The following RGPD2 variants were observed in gnomAD, a reference collection of about 807,000 sequenced individuals.
RGPD2 encodes the protein RANBP2 like and GRIP domain containing 2.
A neutral mutation model predicts 36.0 loss-of-function variants in RGPD2; 2 were observed. That is an observed-to-expected ratio of 0.06 (90% confidence interval 0.02 to 0.17). The LOEUF (loss-of-function observed/expected upper bound fraction) is 0.17. Among genes scored for constraint, RGPD2 ranks in the 10% least tolerant of loss-of-function variants. The probability of loss-of-function intolerance (pLI) is 1.00; values close to 1 mark genes in which losing one functional copy is unlikely to be tolerated. For missense variants in RGPD2, 40 were observed against 464.3 expected, an observed-to-expected ratio of 0.09 and a Z score of 8.40; for synonymous variants, 19 against 163.8, an observed-to-expected ratio of 0.12 and a Z score of 6.75.
At chr2:87,839,474 T>G in the RGPD2 span, among the ~76,000 whole-genome samples, 2 of 152,066 alleles carry the variant, frequency 1.3e-5, no homozygotes, top group East Asian at 3.9e-4. Flanking sequence ...TAAAGACACA[T>G]GCACTCATAT....
chr2:87,882,337 A>G, the RGPD2 span, among the ~76,000 whole-genome samples: 1 of 152,234 alleles, frequency 6.6e-6, no homozygotes, highest in Non-Finnish European at 1.5e-5. Flanking sequence ...TTTTCCCAAC[A>G]GCATTTATTG....
rs535632033 is a variant in RGPD2 at position 87,763,347 on chromosome 2, C to T, written c.5237-5921G>A. Among the ~76,000 whole-genome samples, 68 of 150,006 alleles carry T rather than the reference C, an allele frequency of 4.5e-4. 1 individual carries two copies. The highest frequency in any genetic ancestry group is 3.4e-3 in the Middle Eastern group (1 of 292). ...TAATTTTTTGTATTTTTAGTAGAGA[C>T]GGGGTTTCACCGTGTTAGCCAGGAT... On this transcript the variant is annotated intron_variant, in intron 22 of 22. Transcript: ENST00000398146.
chr2:87,875,574 G>A, the RGPD2 span, among the ~76,000 whole-genome samples: 1 of 152,112 alleles, frequency 6.6e-6, no homozygotes, highest in African/African-American at 2.4e-5. Context: ...GGATCACGAT[G>A]GATAAGCTTT....
intron 22 of RGPD2, among the ~76,000 whole-genome samples, chr2:87,769,320 C>T (rs1320925567): frequency 1.3e-5 from 2 of 152,050 alleles, no homozygotes; most frequent in Admixed American, 1.3e-4. Context: ...TGCTGCTAAA[C>T]CATCATTGTT....
At chr2:87,848,766 A>C in the RGPD2 span, among the ~76,000 whole-genome samples, 1 of 146,974 alleles carries the variant, frequency 6.8e-6, no homozygotes, top group Non-Finnish European at 1.5e-5. Context: ...TCTGGATACC[A>C]CATCAAAGGG....
chr2:87,971,938 C>A, the RGPD2 span, among the ~76,000 whole-genome samples: 6 of 151,478 alleles, frequency 4.0e-5, no homozygotes, highest in South Asian at 2.1e-4. Context: ...CAGTCAAATA[C>A]CACCTCCCAG....
At chr2:87,860,549 GGATGTA>G in the RGPD2 span, among the ~76,000 whole-genome samples, 1 of 149,930 alleles carries the variant, frequency 6.7e-6, no homozygotes, top group Non-Finnish European at 1.5e-5. Context: ...TCCATCTAAT[GGATGTA>G]GATGTTATGA....
At chr2:87,864,576 T>TGATA in the RGPD2 span, among the ~76,000 whole-genome samples, 12,269 of 149,460 alleles carry the variant, frequency 0.082, 64 homozygotes, top group Middle Eastern at 0.11. Flanking sequence ...CATAGATAGA[T>TGATA]GATAGATAGA....
chr2:87,936,968 A>G, the RGPD2 span, among the ~76,000 whole-genome samples: 1 of 147,218 alleles, frequency 6.8e-6, no homozygotes, highest in African/African-American at 2.6e-5. Flanking sequence ...GCATTAAATG[A>G]GCACTTACTA....
At chr2:87,964,994 C>G in the RGPD2 span, among the ~76,000 whole-genome samples, 2 of 152,100 alleles carry the variant, frequency 1.3e-5, no homozygotes, top group African/African-American at 2.4e-5. Context: ...CCCCACCAAA[C>G]TAGTATTTCT....
the RGPD2 span, among the ~76,000 whole-genome samples, chr2:87,852,716 T>C: frequency 5.9e-5 from 9 of 152,410 alleles, no homozygotes; most frequent in South Asian, 1.0e-3. Flanking sequence ...AATGTTCTTC[T>C]AGATATATTT....
chr2:87,965,790 GGACACT>G, the RGPD2 span, among the ~76,000 whole-genome samples: 1 of 127,308 alleles, frequency 7.9e-6, no homozygotes, highest in Non-Finnish European at 1.7e-5. Flanking sequence ...GTGTCTGAGA[GGACACT>G]GATCTCCCTG....
At chr2:87,915,338 A>T in the RGPD2 span, among the ~76,000 whole-genome samples, 1 of 109,476 alleles carries the variant, frequency 9.1e-6, no homozygotes, top group Non-Finnish European at 1.8e-5. Context: ...TATTGTATAT[A>T]TAATGTATAT....
At chr2:87,859,679 G>A in the RGPD2 span, among the ~76,000 whole-genome samples, 7 of 152,116 alleles carry the variant, frequency 4.6e-5, no homozygotes, top group East Asian at 7.7e-4. Context: ...AAGTTATTTC[G>A]CTGAGATCAC....
chr2:87,880,071 G>A, the RGPD2 span, among the ~76,000 whole-genome samples: 1 of 94,168 alleles, frequency 1.1e-5, no homozygotes, highest in African/African-American at 5.1e-5. Context: ...TAAAGACATT[G>A]AACTTTTTTT....
chr2:87,910,792 A>G, the RGPD2 span, among the ~76,000 whole-genome samples: 1 of 150,622 alleles, frequency 6.6e-6, no homozygotes, highest in East Asian at 2.0e-4. Context: ...TATACAGGAG[A>G]ATGTGTGCAG....
Position 87,756,818 on chromosome 2 carries a change from A to T in RGPD2, c.*574T>A. The T allele has an allele frequency of 1.3e-6, 1 of 763,318 alleles. No individual in the cohort carries two copies. The highest frequency in any genetic ancestry group is 1.4e-5 in the South Asian group (1 of 72,556). 47.3% of individuals were successfully genotyped at this position (763,318 alleles called of 1,614,324 possible). A position where few individuals can be genotyped will look rare whatever the true frequency, so the allele number is the denominator to read the frequency against. On this transcript the variant is annotated 3_prime_UTR_variant, in exon 23 of 23. Coordinates refer to ENST00000398146, the MANE Select transcript of RGPD2 (RefSeq NM_001078170.3). ...TTGACCACTGTGTGGACTTTCCTTCAGTGTATCTTTCAGAGTGCAAGACTG... is the reference window on the plus strand; with the variant it reads ...TTGACCACTGTGTGGACTTTCCTTCTGTGTATCTTTCAGAGTGCAAGACTG...
the RGPD2 span, among the ~76,000 whole-genome samples, chr2:87,848,874 G>C: frequency 1.8e-3 from 269 of 150,054 alleles, no homozygotes; most frequent in African/African-American, 5.9e-3. Flanking sequence ...GTGTGTGTGT[G>C]TGTGTGTGTG....
chr2:87,870,053 C>T, the RGPD2 span, among the ~76,000 whole-genome samples: 1 of 152,226 alleles, frequency 6.6e-6, no homozygotes, highest in Non-Finnish European at 1.5e-5. Context: ...CACTTCCTGG[C>T]TCCAATTGTG....
Sources: gnomAD v4.1 joint callset for allele counts (sites outside exome capture counted in the v4.1 genomes callset) on GRCh38, gnomAD v4.1.1 for gene constraint, MANE v1.5 for transcripts, NCBI Gene and HGNC (gene_info 2026-07-23, HGNC 2026-07-21) for gene names.